The following TRIM42 variants were observed in gnomAD, a reference collection of about 807,000 sequenced individuals.
TRIM42 encodes tripartite motif containing 42.
TRIM42 carries 59 observed loss-of-function variants against 64.9 expected under a neutral mutation model. That is an observed-to-expected ratio of 0.91 (90% CI 0.74 to 1.13). The LOEUF is 1.13. Ranked by LOEUF, TRIM42 falls within the 50% of genes most tolerant of loss-of-function variation. The pLI is 0.00. For missense variants in TRIM42, 878 were observed against 929.5 expected (o/e 0.94, Z 0.72); for synonymous variants, 354 against 346.3 (o/e 1.02, Z -0.25).
intron 4 of TRIM42, among the ~76,000 whole-genome samples, chr3:140,696,904 G>T (rs556515979): frequency 6.6e-6 from 1 of 152,092 alleles, no homozygotes; most frequent in Non-Finnish European, 1.5e-5. Context: ...TTGGGGTCAG[G>T]TGCAATTCGC....
chr3:140,697,557 A>AG, intron 4 of TRIM42, among the ~76,000 whole-genome samples: 2 of 152,328 alleles, frequency 1.3e-5, no homozygotes, highest in South Asian at 4.1e-4. Context: ...ATGTAGTCCT[A>AG]GGTAGGGATG....
intron 1 of TRIM42, among the ~76,000 whole-genome samples, chr3:140,681,671 C>A (rs1988398021): frequency 6.6e-6 from 1 of 151,612 alleles, no homozygotes; most frequent in African/African-American, 2.4e-5. Context: ...TGAGAACACA[C>A]CTGTAGTTGG....
At position 140,687,747 on chromosome 3, in the gene TRIM42, A is replaced by G; in HGVS notation, c.1065A>G (p.Leu355=). The stretch of plus-strand genomic sequence containing the variant: ...TCCGATATGAAATTGATAATGACCT[A>G]ATGGAATTCAACATCTTAAAAAACA... ...KAVRYEIDND[L]MEFNILKNSF... The change falls in exon 3 of 5, where the codon CTA becomes CTG. Residue 355 remains leucine (L), a synonymous_variant. Transcript: ENST00000286349. 1.2e-6 allele frequency: 2 copies of G among 1,612,514 alleles called. No homozygotes were observed. Among genetic ancestry groups the G allele is most frequent in the Non-Finnish European group, 1.7e-6 (2 of 1,179,524 alleles).
chr3:140,680,996 A>G (rs752736441), intron 1 of TRIM42, among the ~76,000 whole-genome samples: 7 of 152,246 alleles, frequency 4.6e-5, no homozygotes, highest in Non-Finnish European at 7.3e-5. Flanking sequence ...CAGAGGAGAT[A>G]GCAATAGCAG....
rs202153347 is a variant in TRIM42 at position 140,678,365 on chromosome 3, G to A, written c.136G>A (p.Asp46Asn). 4 of 1,614,206 alleles carry A rather than the reference G, an allele frequency of 2.5e-6. No individual in the cohort carries two copies. The highest frequency in any genetic ancestry group is 3.4e-6 in the Non-Finnish European group (4 of 1,180,038). Residue 46 changes from aspartate to asparagine, a missense_variant, in exon 1 of 5, where the codon GAT becomes AAT. Coordinates refer to ENST00000286349, the MANE Select transcript of TRIM42 (RefSeq NM_152616.5). ...CACCTGCTTCCCCTGCCCTTACAAAGATGAGCGGAACTGCCAGTTCTGCCA... is the reference window on the plus strand; with the variant it reads ...CACCTGCTTCCCCTGCCCTTACAAAAATGAGCGGAACTGCCAGTTCTGCCA... ...NCTCFPCPYK[D>N]ERNCQFCHCT...
At chr3:140,692,171 C>T (rs1477322090) in intron 4 of TRIM42, among the ~76,000 whole-genome samples, 6 of 152,028 alleles carry the variant, frequency 3.9e-5, no homozygotes, top group Non-Finnish European at 8.8e-5. Context: ...CTCTCACTCT[C>T]TCATTCTCTT....
At chr3:140,682,384 G>C (rs1259136660) in intron 1 of TRIM42, 78 bp from the exon 2 acceptor site, 1 of 1,424,828 alleles carries the variant, frequency 7.0e-7, no homozygotes, top group Non-Finnish European at 9.7e-7. Flanking sequence ...CAGGAACCAA[G>C]AGTTCTTTCA....
chr3:140,688,054 C>T lies in TRIM42; in HGVS notation c.1372C>T (p.Gln458Ter), dbSNP rs555181555. ...GGTGGACCAGATCGAGGACGGCATC[C>T]AGACCACCTACAGGCCTGACCCACA... is the stretch of plus-strand genomic sequence containing the variant. ...ILVDQIEDGI[Q>*]TTYRPDPQLR... Residue 458 changes from glutamine to a stop codon, truncating the protein, a stop_gained, in exon 3 of 5, where the codon CAG becomes TAG. Coordinates refer to ENST00000286349, the MANE Select transcript of TRIM42 (RefSeq NM_152616.5). LOFTEE classifies it high-confidence loss of function. 18 of 1,614,084 alleles carry T rather than the reference C, an allele frequency of 1.1e-5. No homozygotes were observed. Among genetic ancestry groups the T allele is most frequent in the Non-Finnish European group, 1.5e-5 (18 of 1,180,042 alleles).
chr3:140,698,545 T>G (rs1988914567), intron 4 of TRIM42, among the ~76,000 whole-genome samples: 2 of 152,194 alleles, frequency 1.3e-5, no homozygotes, highest in Admixed American at 1.3e-4. Context: ...GGTATGCTAA[T>G]TTGCCTGCCT....
At chr3:140,698,808 A>G (rs531807859) in intron 4 of TRIM42, among the ~76,000 whole-genome samples, 2 of 152,242 alleles carry the variant, frequency 1.3e-5, no homozygotes, top group African/African-American at 4.8e-5. Flanking sequence ...ATATGATCCT[A>G]TCTCCTATAA....
intron 2 of TRIM42, among the ~76,000 whole-genome samples, chr3:140,687,421 A>C (rs888715828): frequency 1.3e-5 from 2 of 152,236 alleles, no homozygotes; most frequent in African/African-American, 4.8e-5. Flanking sequence ...AAATCTGGTA[A>C]AAACCAATAT....
chr3:140,692,725 C>G (rs1202042068), intron 4 of TRIM42, among the ~76,000 whole-genome samples: 1 of 152,186 alleles, frequency 6.6e-6, no homozygotes, highest in Non-Finnish European at 1.5e-5. Flanking sequence ...CTCTTCAGAG[C>G]ATGGAATGCC....
chr3:140,678,692 A>T, intron 1 of TRIM42, 122 bp downstream of exon 1: 3 of 776,438 alleles, frequency 3.9e-6, no homozygotes, highest in Non-Finnish European at 6.0e-6. Context: ...ATCTAAAAGG[A>T]GGAGCCAAGA....
Position 140,684,985 on chromosome 3 carries a change from A to G in TRIM42, c.1039+1826A>G, listed in dbSNP as rs115613384. Among the ~76,000 whole-genome samples, 1,016 of 152,288 alleles carry G rather than the reference A, an allele frequency of 6.7e-3. 12 individuals are homozygous for G. The highest frequency in any genetic ancestry group is 0.023 in the African/African-American group (974 of 41,562). Reference sequence around the variant, plus strand: ...ACAAAGCTCAATTCAAGGTGGGGGGAAAATGCCTGTCCAAATTCCAGGAAA... The same window carrying G: ...ACAAAGCTCAATTCAAGGTGGGGGGGAAATGCCTGTCCAAATTCCAGGAAA... On this transcript the variant is annotated intron_variant, in intron 2 of 4. Transcript: ENST00000286349.
chr3:140,680,471 C>G (rs1043013217), intron 1 of TRIM42, among the ~76,000 whole-genome samples: 4 of 152,086 alleles, frequency 2.6e-5, no homozygotes, highest in African/African-American at 9.7e-5. Flanking sequence ...TCCTCCAACA[C>G]CTCCCTCCCC....
intron 4 of TRIM42, among the ~76,000 whole-genome samples, chr3:140,695,120 C>T (rs1319768042): frequency 1.4e-4 from 22 of 152,134 alleles, no homozygotes; most frequent in Admixed American, 7.2e-4. Context: ...TGGTGGTGTG[C>T]GCTTGTCATC....
intron 1 of TRIM42, chr3:140,680,600 T>C (rs1436529073): frequency 1.1e-6 from 1 of 896,742 alleles, no homozygotes; most frequent in Non-Finnish European, 1.3e-6. Flanking sequence ...CAGGCCTTAC[T>C]TTTTTAAGCA....
At chr3:140,687,412 A>T (rs1386261593) in intron 2 of TRIM42, among the ~76,000 whole-genome samples, 9 of 152,236 alleles carry the variant, frequency 5.9e-5, no homozygotes, top group Admixed American at 6.5e-5. Context: ...AGACAACTGA[A>T]ATCTGGTAAA....
rs370141888 is a variant in TRIM42, at chr3:140,682,697, C to G, written c.577C>G (p.Arg193Gly). Residue 193 changes from arginine (R) to glycine (G), a missense_variant, in exon 2 of 5, where the codon CGC becomes GGC. Arg to Gly is a moderately radical substitution (Grantham distance 125). Transcript: ENST00000286349. ...CATCCTCATCTGCCCAGTGTGCGAC[C>G]GCTCGCACTGCATGCCCTACAGCAA... ...FFILICPVCD[R>G]SHCMPYSNKM... 2 of 1,612,656 alleles carry G rather than the reference C, an allele frequency of 1.2e-6. No homozygotes were observed. Among genetic ancestry groups the G allele is most frequent in the African/African-American group, 1.3e-5 (1 of 74,914 alleles).
Sources: allele counts gnomAD v4.1 joint callset (sites outside exome capture counted in the v4.1 genomes callset), GRCh38; gene constraint gnomAD v4.1.1; transcripts MANE v1.5; gene names NCBI Gene and HGNC (gene_info 2026-07-23, HGNC 2026-07-21).